CATSPERE: variants seen among roughly 807,000 people sequenced by gnomAD.
CATSPERE encodes catsper channel auxiliary subunit epsilon, also known as cation channel sperm-associated auxiliary subunit epsilon.
In CATSPERE, 93 loss-of-function variants were observed where a neutral mutation model predicts 114.1. That is an observed-to-expected ratio of 0.81 (90% confidence interval 0.69 to 0.97). The LOEUF is 0.97. Among genes scored for constraint, CATSPERE ranks in the 50% least tolerant of loss-of-function variants. The probability of loss-of-function intolerance (pLI) is 0.00; values close to 1 mark genes in which losing one functional copy is unlikely to be tolerated. For synonymous variants in CATSPERE, 341 were observed against 384.1 expected (o/e 0.89, Z 1.31); for missense variants, 1,058 against 1,131.6 (o/e 0.93, Z 0.93).
At chr1:244,472,291 T>G (rs1263055168) in intron 2 of CATSPERE, among the ~76,000 whole-genome samples, 2 of 152,188 alleles carry the variant, frequency 1.3e-5, no homozygotes, top group Non-Finnish European at 2.9e-5. Flanking sequence ...GGTGTACCAT[T>G]TGCATTCCCA....
chr1:244,624,214 G>A (rs1186868816), intron 20 of CATSPERE, among the ~76,000 whole-genome samples: 5 of 147,882 alleles, frequency 3.4e-5, no homozygotes, highest in South Asian at 2.1e-4. Flanking sequence ...CTCGTGATCC[G>A]CCCACCTCGG....
intron 20 of CATSPERE, among the ~76,000 whole-genome samples, chr1:244,625,386 TTTATTA>T (rs1459148616): frequency 6.4e-5 from 7 of 108,970 alleles, no homozygotes; most frequent in Non-Finnish European, 1.3e-4. Context: ...TTACTTTATT[TTTATTA>T]TTATTATTAT....
intron 8 of CATSPERE, among the ~76,000 whole-genome samples, chr1:244,542,107 T>G (rs1297530412): frequency 6.7e-6 from 1 of 149,248 alleles, no homozygotes; most frequent in Non-Finnish European, 1.5e-5. Flanking sequence ...TGTATACATA[T>G]GTAACAAACC....
chr1:244,575,984 C>T lies in CATSPERE; in HGVS notation c.1950+3212C>T, dbSNP rs1408752149. Reference sequence around the variant, plus strand: ...TCCTGACTAAGGAATGCTCTACTGCCTCTGCGGTGTCTGTTTCCTTGGTAT... The same window carrying T: ...TCCTGACTAAGGAATGCTCTACTGCTTCTGCGGTGTCTGTTTCCTTGGTAT... On this transcript the variant is annotated intron_variant, in intron 11 of 21. Transcript: ENST00000366534. The surrounding 1 kb of genome is among the most constrained non-coding windows in gnomAD (Gnocchi z 4.5). Among the ~76,000 whole-genome samples, 2 of 152,082 alleles carry T rather than the reference C, an allele frequency of 1.3e-5. No homozygotes were observed. Among genetic ancestry groups the T allele is most frequent in the Non-Finnish European group, 2.9e-5 (2 of 68,020 alleles).
In CATSPERE at chr1:244,575,703, C is replaced by T. The variant is rs1665141116; in HGVS notation, c.1950+2931C>T. On this transcript the variant is annotated intron_variant, in intron 11 of 21. Coordinates refer to ENST00000366534, the MANE Select transcript of CATSPERE (RefSeq NM_001130957.2). This position sits in a 1 kb window ranked among gnomAD's most constrained non-coding sequence, Gnocchi z 4.5. ...TTCTCTTTCCTCTCTGCTGGTCTTT[C>T]CCTTGCCTCTGCCAGCCGCCTACGC... 6.6e-6 allele frequency among the ~76,000 whole-genome samples: 1 copy of T among 152,112 alleles called. No homozygotes were observed.
intron 2 of CATSPERE, among the ~76,000 whole-genome samples, chr1:244,467,106 A>C (rs1284280370): frequency 3.3e-5 from 5 of 152,188 alleles, no homozygotes; most frequent in African/African-American, 1.2e-4. Flanking sequence ...TCACTCGTAA[A>C]TTAGAATCAG....
At position 244,461,355 on chromosome 1, in the gene CATSPERE, G is replaced by A. The variant is rs764481788; in HGVS notation, c.-75G>A. 1 of 1,248,806 alleles carries A rather than the reference G, an allele frequency of 8.0e-7. No homozygotes were observed. Among genetic ancestry groups the A allele is most frequent in the East Asian group, 3.2e-5 (1 of 31,744 alleles). 77.4% of individuals were successfully genotyped at this position (1,248,806 alleles called of 1,614,324 possible). On this transcript the variant is annotated 5_prime_UTR_variant, in exon 1 of 22. Transcript: ENST00000366534. The stretch of plus-strand genomic sequence containing the variant: ...CCAGGCGCCTGCAGCCGCCCGCCGG[G>A]CCGACGTCCCACGGGAATGCGCGAG...
At chr1:244,460,525 C>G (rs1473887048), upstream of CATSPERE, among the ~76,000 whole-genome samples, 2 of 152,248 alleles carry the variant, frequency 1.3e-5, no homozygotes, top group African/African-American at 4.8e-5. Context: ...TCCTTAAAAA[C>G]TGTGCTCCCC....
rs60993251 is a variant in CATSPERE, at chr1:244,531,521, AT to A, written c.536+12833del. ...GTTCCTTCTATACCCAGTTTTTAAAATTTTTTTTTTGTCATGAAGTGATGTT... is the reference window on the plus strand; with the variant it reads ...GTTCCTTCTATACCCAGTTTTTAAAATTTTTTTTTGTCATGAAGTGATGTT... On this transcript the variant is annotated intron_variant, in intron 8 of 21. Transcript: ENST00000366534. Among the ~76,000 whole-genome samples the A allele has an allele frequency of 4.2e-4, 63 of 149,776 alleles. No homozygotes were observed. In the East Asian group the frequency reaches 5.9e-3, roughly 14 times the overall value.
rs67626437 is a variant in CATSPERE, at chr1:244,553,602, TACAC to T, written c.1029+828_1029+831del. On this transcript the variant is annotated intron_variant, in intron 9 of 21. Coordinates refer to ENST00000366534, the MANE Select transcript of CATSPERE (RefSeq NM_001130957.2). ...TCTCAAAAAAAAAAAAAAAAAAAAA[TACAC>T]ACACACACACACACACACACACACA... Among the ~76,000 whole-genome samples the T allele has an allele frequency of 5.8e-3, 530 of 91,940 alleles. 6 individuals carry two copies. Among genetic ancestry groups the T allele is most frequent in the South Asian group, 0.021 (51 of 2,448 alleles). 60.3% of individuals were successfully genotyped at this position (91,940 alleles called of 152,430 possible).
chr1:244,533,236 T>A (rs867643068), intron 8 of CATSPERE, among the ~76,000 whole-genome samples: 6 of 152,246 alleles, frequency 3.9e-5, no homozygotes, highest in South Asian at 2.1e-4. Context: ...TATTTTCAAT[T>A]TATTCATGTC....
At chr1:244,542,095 C>T (rs540825694) in intron 8 of CATSPERE, among the ~76,000 whole-genome samples, 1 of 145,964 alleles carries the variant, frequency 6.9e-6, no homozygotes, top group African/African-American at 2.5e-5. Flanking sequence ...CAGCATGGCA[C>T]ATGTATACAT....
chr1:244,621,228 A>AATATATTTATACAG (rs1672270755), intron 20 of CATSPERE, among the ~76,000 whole-genome samples: 2 of 16,748 alleles, frequency 1.2e-4, no homozygotes, highest in Non-Finnish European at 2.5e-4. Flanking sequence ...TATTTATATA[A>AATATATTTATACAG]ATATATTTAT....
At chr1:244,632,049 T>C (rs1190114357) in intron 20 of CATSPERE, among the ~76,000 whole-genome samples, 2 of 151,952 alleles carry the variant, frequency 1.3e-5, no homozygotes, top group East Asian at 1.9e-4. Flanking sequence ...GCCTGGGTGA[T>C]AGAGTGAGAA....
At chr1:244,492,469 C>G (rs1672370353) in intron 6 of CATSPERE, among the ~76,000 whole-genome samples, 1 of 148,420 alleles carries the variant, frequency 6.7e-6, no homozygotes, top group Non-Finnish European at 1.5e-5. Context: ...CTATCTATGA[C>G]AAACCCACAG....
At chr1:244,593,212 C>T (rs1572913894) in intron 15 of CATSPERE, among the ~76,000 whole-genome samples, 183 bp from the exon 16 acceptor site, 1 of 152,186 alleles carries the variant, frequency 6.6e-6, no homozygotes, top group Non-Finnish European at 1.5e-5. Context: ...CAGTAATTCA[C>T]GCCTTAGTGG....
intron 20 of CATSPERE, among the ~76,000 whole-genome samples, chr1:244,619,540 G>A (rs1360717247): frequency 6.6e-6 from 1 of 152,124 alleles, no homozygotes; most frequent in East Asian, 1.9e-4. Context: ...AAAGAAGGCT[G>A]GGAGTTCATA....
At chr1:244,565,292 T>C (rs1171222320) in intron 10 of CATSPERE, among the ~76,000 whole-genome samples, 1 of 152,190 alleles carries the variant, frequency 6.6e-6, no homozygotes, top group Non-Finnish European at 1.5e-5. Flanking sequence ...TCCCTCTTTT[T>C]CTGTTGTTTG....
chr1:244,510,835 CTTTTTTTTTTTTT>C (rs747921082), intron 7 of CATSPERE, among the ~76,000 whole-genome samples: 3 of 48,322 alleles, frequency 6.2e-5, no homozygotes, highest in South Asian at 1.1e-3. Context: ...TTTTCTTTTT[CTTTTTTTTTTTTT>C]TTTTTTTTTT....
Sources: allele counts gnomAD v4.1 joint callset (sites outside exome capture counted in the v4.1 genomes callset), GRCh38; gene constraint gnomAD v4.1.1; non-coding constraint Gnocchi (gnomAD v3.1); transcripts MANE v1.5; gene names NCBI Gene and HGNC (gene_info 2026-07-23, HGNC 2026-07-21).